SLC6A3: variants seen among roughly 807,000 people sequenced by gnomAD.
The protein encoded by SLC6A3 is solute carrier family 6 member 3, also known as sodium-dependent dopamine transporter.
In SLC6A3, 19 loss-of-function variants were observed where a neutral mutation model predicts 70.4. The ratio of observed to expected loss-of-function variants is 0.27; its 90% CI spans 0.19 to 0.40. The LOEUF is 0.40. Among genes scored for constraint, SLC6A3 ranks in the 10% least tolerant of loss-of-function variants. The pLI is 1.00. For synonymous variants in SLC6A3, 368 were observed against 356.6 expected (o/e 1.03, Z -0.36); for missense variants, 613 against 838.5 (o/e 0.73, Z 3.32).
At chr5:1,395,016 G>GTGGTGGCCA (rs1349900070) in intron 14 of SLC6A3, among the ~76,000 whole-genome samples, 2 of 152,218 alleles carry the variant, frequency 1.3e-5, no homozygotes, top group African/African-American at 4.8e-5. Flanking sequence ...TGTGGTTGGC[G>GTGGTGGCCA]TGGTGGCCAT....
chr5:1,429,207 C>T (rs1756640097), intron 4 of SLC6A3, among the ~76,000 whole-genome samples: 1 of 152,220 alleles, frequency 6.6e-6, no homozygotes, highest in African/African-American at 2.4e-5. Context: ...CCCTGCTCCC[C>T]AAGAGTCACT....
At position 1,442,901 on chromosome 5, in the gene SLC6A3, A is replaced by C; in HGVS notation, c.286+11T>G. On this transcript the variant is annotated intron_variant, in intron 2 of 14. Coordinates refer to ENST00000270349, the MANE Select transcript of SLC6A3 (RefSeq NM_001044.5). This position sits in a 1 kb window ranked among gnomAD's most constrained non-coding sequence, Gnocchi z 5.0. ...GGCCAGCATGCTCAGGGAGGCTGAGATGGGACTTACCGCCACCATTTTTGT... is the reference window on the plus strand; with the variant it reads ...GGCCAGCATGCTCAGGGAGGCTGAGCTGGGACTTACCGCCACCATTTTTGT... 1 of 1,614,096 alleles carries C rather than the reference A, an allele frequency of 6.2e-7. No homozygotes were observed. Among genetic ancestry groups the C allele is most frequent in the African/African-American group, 1.3e-5 (1 of 75,054 alleles).
rs967732833 is a variant in SLC6A3 at position 1,404,478 on chromosome 5, A to G, written c.1600-1389T>C. ...TTGCTAGATACCACCTTTCTTAGAA[A>G]GAACTATGCCTCCCCAGGCCACAGT... On this transcript the variant is annotated intron_variant, in intron 12 of 14. Transcript: ENST00000270349. This position sits in a 1 kb window ranked among gnomAD's most constrained non-coding sequence, Gnocchi z 5.2. Among the ~76,000 whole-genome samples the G allele has an allele frequency of 1.3e-5, 2 of 152,240 alleles. No individual in the cohort carries two copies. The highest frequency in any genetic ancestry group is 4.8e-5 in the African/African-American group (2 of 41,460).
At position 1,397,680 on chromosome 5, in the gene SLC6A3, C is replaced by T. The variant is rs991383785; in HGVS notation, c.1840-2922G>A. Among the ~76,000 whole-genome samples the T allele has an allele frequency of 2.0e-5, 3 of 152,166 alleles. No homozygotes were observed. The highest frequency in any genetic ancestry group is 4.4e-5 in the Non-Finnish European group (3 of 68,026). On this transcript the variant is annotated intron_variant, in intron 14 of 14. Coordinates refer to ENST00000270349, the MANE Select transcript of SLC6A3 (RefSeq NM_001044.5). This position sits in a 1 kb window ranked among gnomAD's most constrained non-coding sequence, Gnocchi z 4.7. ...ACAACAGTGCTTTCGTGAATGAGAG[C>T]AGCATAAAGATGTTCCCACACACCA...
At chr5:1,431,736 G>A (rs1305914014) in intron 4 of SLC6A3, among the ~76,000 whole-genome samples, 3 of 152,088 alleles carry the variant, frequency 2.0e-5, no homozygotes, top group African/African-American at 7.2e-5. Flanking sequence ...TGGCTGGGGT[G>A]GGCAGTGAGG....
At chr5:1,425,404 C>T (rs2126380326) in intron 4 of SLC6A3, among the ~76,000 whole-genome samples, 1 of 152,308 alleles carries the variant, frequency 6.6e-6, no homozygotes, top group East Asian at 1.9e-4. Flanking sequence ...GCTAAATACC[C>T]ATTAGTATAA....
In SLC6A3 at chr5:1,394,656, T is replaced by C; in HGVS notation, c.*79A>G. On this transcript the variant is annotated 3_prime_UTR_variant, in exon 15 of 15. Transcript: ENST00000270349. The surrounding 1 kb of genome is among the most constrained non-coding windows in gnomAD (Gnocchi z 4.7). Reference sequence around the variant, plus strand: ...AGAGTAGAAGTTGCCCTCCTTTCTCTCGAAACTTAGATTTCCTTGGTTTGT... The same window carrying C: ...AGAGTAGAAGTTGCCCTCCTTTCTCCCGAAACTTAGATTTCCTTGGTTTGT... 5 of 1,460,100 alleles carry C rather than the reference T, an allele frequency of 3.4e-6. No individual in the cohort carries two copies. The highest frequency in any genetic ancestry group is 4.8e-6 in the Non-Finnish European group (5 of 1,039,580). 90.4% of individuals were successfully genotyped at this position (1,460,100 alleles called of 1,614,324 possible).
chr5:1,414,936 CT>C, intron 7 of SLC6A3, 121 bp from the exon 8 acceptor site: 1 of 1,296,322 alleles, frequency 7.7e-7, no homozygotes, highest in Admixed American at 1.8e-5. Flanking sequence ...GGAGGGGCTA[CT>C]TTTCCCAGTG....
chr5:1,394,408 G>A lies in SLC6A3; in HGVS notation c.*327C>T, dbSNP rs371427532. 493 of 484,498 alleles carry A rather than the reference G, an allele frequency of 1.0e-3. No homozygotes were observed. Among genetic ancestry groups the A allele is most frequent in the Admixed American group, 2.4e-3 (72 of 29,870 alleles). 30.0% of individuals were successfully genotyped at this position (484,498 alleles called of 1,614,324 possible). Reference sequence around the variant, plus strand: ...GTGCCCCTGGGGCAGCCTCAGAGCCGGGAGCAGGGAGCAGGGAGGGAGGGA... The same window carrying A: ...GTGCCCCTGGGGCAGCCTCAGAGCCAGGAGCAGGGAGCAGGGAGGGAGGGA... On this transcript the variant is annotated 3_prime_UTR_variant, in exon 15 of 15. Coordinates refer to ENST00000270349, the MANE Select transcript of SLC6A3 (RefSeq NM_001044.5). This position sits in a 1 kb window ranked among gnomAD's most constrained non-coding sequence, Gnocchi z 4.7.
chr5:1,427,047 G>A lies in SLC6A3; in HGVS notation c.654-5033C>T, dbSNP rs1756588897. ...AGTCTACGCTATGAGAAATGTTAAA[G>A]GAAATTCTTTAGATGGAAGGAAGAT... On this transcript the variant is annotated intron_variant, in intron 4 of 14. Transcript: ENST00000270349. Among the ~76,000 whole-genome samples the A allele has an allele frequency of 3.3e-5, 5 of 152,198 alleles. No individual in the cohort carries two copies. The South Asian group carries it at 1.0e-3, about 32-fold the overall frequency.
At position 1,443,121 on chromosome 5, in the gene SLC6A3, G is replaced by A. The variant is rs757417973; in HGVS notation, c.77C>T (p.Pro26Leu). Residue 26 changes from proline (P) to leucine (L), a missense_variant, in exon 2 of 15, where the codon CCG (proline) becomes CTG (leucine). Coordinates refer to ENST00000270349, the MANE Select transcript of SLC6A3 (RefSeq NM_001044.5). ...GACAAGGATGAGCTCCACCTCCTTC[G>A]GGCCCACGGCATTGGGCTCCTTAGC... ...APAKEPNAVG[P>L]KEVELILVKE... 5.0e-5 allele frequency: 80 copies of A among 1,614,062 alleles called. 1 individual carries two copies. The Admixed American group carries it at 7.7e-4, about 15-fold the overall frequency.
At chr5:1,427,476 A>G (rs1185329543) in intron 4 of SLC6A3, among the ~76,000 whole-genome samples, 19 of 152,252 alleles carry the variant, frequency 1.2e-4, no homozygotes. Flanking sequence ...AACAAAGAAG[A>G]GAGGGGGCAA....
chr5:1,422,088 C>G (rs1374789817), intron 4 of SLC6A3, 74 bp from the exon 5 acceptor site: 1 of 1,497,384 alleles, frequency 6.7e-7, no homozygotes, highest in Non-Finnish European at 9.1e-7. Context: ...TGAGCTTGTC[C>G]GGGGACCTGC....
chr5:1,408,961 A>C lies in SLC6A3; in HGVS notation c.1498+65T>G. ...GGTGTTTCCTCACGGAGCCTTTTTC[A>C]GAAGGGGAGTGGCACAGCCACCAAA... On this transcript the variant is annotated intron_variant, in intron 11 of 14. Transcript: ENST00000270349. This position sits in a 1 kb window ranked among gnomAD's most constrained non-coding sequence, Gnocchi z 6.4. The C allele has an allele frequency of 8.6e-7, 1 of 1,162,928 alleles. No individual in the cohort carries two copies. Among genetic ancestry groups the C allele is most frequent in the Non-Finnish European group, 1.3e-6 (1 of 776,518 alleles). The allele number at this position is 1,162,928 out of a possible 1,614,324, so 72.0% of individuals were successfully genotyped here.
At chr5:1,428,321 A>G (rs1348321794) in intron 4 of SLC6A3, among the ~76,000 whole-genome samples, 1 of 152,196 alleles carries the variant, frequency 6.6e-6, no homozygotes, top group Non-Finnish European at 1.5e-5. Context: ...AGCATATCAA[A>G]CTTTGTGGGA....
In SLC6A3 at chr5:1,430,239, G is replaced by A. The variant is rs573816861; in HGVS notation, c.653+2225C>T. Among the ~76,000 whole-genome samples the A allele has an allele frequency of 3.0e-4, 45 of 152,160 alleles. 1 individual carries two copies. The highest frequency in any genetic ancestry group is 1.0e-3 in the African/African-American group (42 of 41,492). Reference sequence around the variant, plus strand: ...ACTTGGTGGGCCACTCTCTCCCATCGTGGCACCGTCCTCCTCAGAGTTCGT... The same window carrying A: ...ACTTGGTGGGCCACTCTCTCCCATCATGGCACCGTCCTCCTCAGAGTTCGT... On this transcript the variant is annotated intron_variant, in intron 4 of 14. Coordinates refer to ENST00000270349, the MANE Select transcript of SLC6A3 (RefSeq NM_001044.5).
rs576147427 is a variant in SLC6A3, at chr5:1,406,890, C to T, written c.1499-602G>A. Among the ~76,000 whole-genome samples, 69 of 152,238 alleles carry T rather than the reference C, an allele frequency of 4.5e-4. No individual in the cohort carries two copies. In the South Asian group the frequency reaches 8.9e-3, roughly 20 times the overall value. ...TGGGAACCTCCCGTCAGTGGAGTCA[C>T]GTGGCACGGGGCCTCTGCAACTGGT... On this transcript the variant is annotated intron_variant, in intron 11 of 14. Coordinates refer to ENST00000270349, the MANE Select transcript of SLC6A3 (RefSeq NM_001044.5). The surrounding 1 kb of genome is among the most constrained non-coding windows in gnomAD (Gnocchi z 8.8).
In SLC6A3 at chr5:1,414,704, G is replaced by T. The variant is rs8179027; in HGVS notation, c.1143C>A (p.Asp381Glu). The stretch of plus-strand genomic sequence containing the variant: ...GGAGGGGCTCACCGTCCTTGGCCAC[G>T]TCCCCGATGGGCACACTGTGCTTCT... ...MAQKHSVPIG[D>E]VAKDGPGLIF... The change falls in exon 8 of 15, where the codon GAC (aspartate) becomes GAA (glutamate). Residue 381 changes from aspartate (D) to glutamate (E), a missense_variant. Transcript: ENST00000270349. The T allele has an allele frequency of 6.2e-7, 1 of 1,612,374 alleles. No homozygotes were observed. The highest frequency in any genetic ancestry group is 1.3e-5 in the African/African-American group (1 of 74,834).
At chr5:1,440,366 G>T (rs1330969252) in intron 3 of SLC6A3, among the ~76,000 whole-genome samples, 2 of 152,114 alleles carry the variant, frequency 1.3e-5, no homozygotes, top group Non-Finnish European at 2.9e-5. Flanking sequence ...ATGGATGGAT[G>T]GATGATAGAT....
Sources: gnomAD v4.1 joint callset for allele counts (sites outside exome capture counted in the v4.1 genomes callset) on GRCh38, gnomAD v4.1.1 for gene constraint, Gnocchi (gnomAD v3.1) non-coding constraint, MANE v1.5 for transcripts, NCBI Gene and HGNC (gene_info 2026-07-23, HGNC 2026-07-21) for gene names.